Variants in PKHD1 observed in about 807,000 individuals in gnomAD.
PKHD1 encodes PKHD1 ciliary IPT domain containing fibrocystin/polyductin, also known as fibrocystin.
In PKHD1, 291 loss-of-function variants were observed where a neutral mutation model predicts 412.0. The ratio of observed to expected loss-of-function variants is 0.71; its 90% CI spans 0.64 to 0.78. The LOEUF (loss-of-function observed/expected upper bound fraction) is 0.78, where lower values mean the gene tolerates loss of function less well. PKHD1 is among the 30% of genes least tolerant of loss of function. The pLI is 0.00. For missense variants in PKHD1, 4,825 were observed against 4,950.7 expected (o/e 0.97, Z 0.76); for synonymous variants, 1,777 against 1,821.5 (o/e 0.98, Z 0.62).
In PKHD1 at chr6:52,070,456, A is replaced by T. The variant is rs201573343; in HGVS notation, c.668-11T>A. Reference sequence around the variant, plus strand: ...TAACATTCTGGGAGCCTGTAACACAAAGAAACACACATTAACTCAGGAATC... The same window carrying T: ...TAACATTCTGGGAGCCTGTAACACATAGAAACACACATTAACTCAGGAATC... On this transcript the variant is annotated splice_polypyrimidine_tract_variant and intron_variant, in intron 9 of 66. Transcript: ENST00000371117. 6.2e-7 allele frequency: 1 copy of T among 1,606,276 alleles called. No homozygotes were observed. Among genetic ancestry groups the T allele is most frequent in the Non-Finnish European group, 8.5e-7 (1 of 1,173,260 alleles).
Position 52,045,136 on chromosome 6 carries a change from A to G in PKHD1, c.2593-48T>C, listed in dbSNP as rs1038035865. On this transcript the variant is annotated intron_variant, in intron 24 of 66. Transcript: ENST00000371117. ...AAATTCTGTCATGGAACCGAAATCT[A>G]ATCTCGTCTAATCAAATAATAAAGA... The G allele has an allele frequency of 1.9e-6, 3 of 1,577,044 alleles. No homozygotes were observed. In the African/African-American group the frequency reaches 4.0e-5, roughly 21 times the overall value.
chr6:52,024,594 GTAA>G lies in PKHD1; in HGVS notation c.5213_5215del (p.Ile1738del). ...CTTACCGAAGTTCTCCGTCACTGCTGTAATAATAACTCTTGAGGTGAACACCAG... is the reference window on the plus strand; with the variant it reads ...CTTACCGAAGTTCTCCGTCACTGCTGTAATAACTCTTGAGGTGAACACCAG... On this transcript the variant is annotated inframe_deletion, in exon 32 of 67. Coordinates refer to ENST00000371117, the MANE Select transcript of PKHD1 (RefSeq NM_138694.4). The G allele has an allele frequency of 6.2e-7, 1 of 1,614,108 alleles. No homozygotes were observed. Among genetic ancestry groups the G allele is most frequent in the South Asian group, 1.1e-5 (1 of 91,072 alleles).
chr6:51,897,074 G>C (rs1187457313), intron 43 of PKHD1, among the ~76,000 whole-genome samples: 1 of 151,674 alleles, frequency 6.6e-6, no homozygotes, highest in African/African-American at 2.4e-5. Flanking sequence ...ATGGAACCAA[G>C]TTGGAAAACA....
chr6:52,043,707 TACATCATTCACTCGC>T lies in PKHD1; in HGVS notation c.2724_2738del (p.Arg909_Val913del). The T allele has an allele frequency of 6.2e-7, 1 of 1,613,586 alleles. No homozygotes were observed. The highest frequency in any genetic ancestry group is 8.5e-7 in the Non-Finnish European group (1 of 1,179,536). ...AGCAGGAACCTGGGCAATGAGCTGG[TACATCATTCACTCGC>T]ACAACCACCTGAAATGAGGCAAAAT... is the stretch of plus-strand genomic sequence containing the variant. On this transcript the variant is annotated inframe_deletion, in exon 26 of 67. Coordinates refer to ENST00000371117, the MANE Select transcript of PKHD1 (RefSeq NM_138694.4).
At chr6:52,041,581 T>C (rs1455997068) in intron 27 of PKHD1, among the ~76,000 whole-genome samples, 1 of 152,080 alleles carries the variant, frequency 6.6e-6, no homozygotes, top group East Asian at 1.9e-4. Flanking sequence ...AGCTAGAGCC[T>C]CTCTCTCTCC....
At chr6:52,080,034 A>C (rs778826271) in intron 4 of PKHD1, 26 bp from the exon 5 acceptor site, 1 of 1,390,058 alleles carries the variant, frequency 7.2e-7, no homozygotes, top group Admixed American at 1.7e-5. Flanking sequence ...GGAAATCCTT[A>C]TGAATCAAAA....
intron 52 of PKHD1, among the ~76,000 whole-genome samples, chr6:51,819,614 G>A (rs1156631693): frequency 1.3e-5 from 2 of 152,136 alleles, no homozygotes; most frequent in African/African-American, 4.8e-5. Flanking sequence ...CAGCTAGGCA[G>A]TATGTTCCAG....
rs1382219917 is a variant in PKHD1 at position 51,885,951 on chromosome 6, A to G, written c.7131T>C (p.Pro2377=). The stretch of plus-strand genomic sequence containing the variant: ...CATTATCCCAAGGTGGCTGAAATTT[A>G]GGGTATACAAAGAGACCATACCTAA... ...SCTRYGLFVY[P]KFQPPWDNVT... is the part of the protein sequence containing the mutation. Residue 2377 remains proline (P), a synonymous_variant, in exon 45 of 67, where the codon CCT becomes CCC. Transcript: ENST00000371117. The G allele has an allele frequency of 1.2e-6, 2 of 1,607,696 alleles. No individual in the cohort carries two copies. The highest frequency in any genetic ancestry group is 3.3e-5 in the Admixed American group (2 of 59,980).
chr6:51,810,174 T>TA (rs907477552), intron 52 of PKHD1, among the ~76,000 whole-genome samples: 10 of 152,190 alleles, frequency 6.6e-5, no homozygotes, highest in Non-Finnish European at 8.8e-5. Flanking sequence ...CAAATGCTTT[T>TA]AAAAAAATTG....
Position 51,753,900 on chromosome 6 carries a change from T to A in PKHD1, c.8798-547A>T, listed in dbSNP as rs144424247. Among the ~76,000 whole-genome samples, 41 of 152,334 alleles carry A rather than the reference T, an allele frequency of 2.7e-4. 1 individual carries two copies. The East Asian group carries it at 2.7e-3, about 10-fold the overall frequency. ...CTTCCACAGCAGTGGGAACTAAGCG[T>A]CTTGCTAGTTTGTTTCACTGTCTAC... On this transcript the variant is annotated intron_variant, in intron 56 of 66. Transcript: ENST00000371117.
At chr6:51,888,305 G>A (rs1778528116) in intron 43 of PKHD1, among the ~76,000 whole-genome samples, 1 of 152,184 alleles carries the variant, frequency 6.6e-6, no homozygotes, top group East Asian at 1.9e-4. Context: ...TGGACCATAT[G>A]AGTTTGGGGA....
intron 29 of PKHD1, among the ~76,000 whole-genome samples, chr6:52,030,386 A>C (rs1802860542): frequency 6.6e-6 from 1 of 152,186 alleles, no homozygotes; most frequent in Non-Finnish European, 1.5e-5. Flanking sequence ...GATATAGCAC[A>C]CAAAAAGGCC....
In PKHD1 at chr6:51,616,036, A is replaced by T. The variant is rs888640605; in HGVS notation, c.*3045T>A. On this transcript the variant is annotated 3_prime_UTR_variant, in exon 67 of 67. Coordinates refer to ENST00000371117, the MANE Select transcript of PKHD1 (RefSeq NM_138694.4). ...TATATACTTCTTTCTCAATTTTGAA[A>T]TCTATAAATATTTATAGATGTTCTT... 1 of 152,118 alleles carries T rather than the reference A, an allele frequency of 6.6e-6. No individual in the cohort carries two copies. Among genetic ancestry groups the T allele is most frequent in the Non-Finnish European group, 1.5e-5 (1 of 68,036 alleles). 9.4% of individuals were successfully genotyped at this position (152,118 alleles called of 1,614,324 possible).
At chr6:52,075,646 T>C (rs1232512618) in intron 6 of PKHD1, among the ~76,000 whole-genome samples, 1 of 152,200 alleles carries the variant, frequency 6.6e-6, no homozygotes, top group Non-Finnish European at 1.5e-5. Context: ...TCTCTAACTT[T>C]ATAAACAAAA....
chr6:51,809,868 C>A (rs201948632), intron 52 of PKHD1, among the ~76,000 whole-genome samples: 7 of 94,742 alleles, frequency 7.4e-5, no homozygotes, highest in Non-Finnish European at 1.6e-4. Context: ...TATTTTTTTT[C>A]TAGAAAAAAA....
intron 48 of PKHD1, among the ~76,000 whole-genome samples, chr6:51,865,761 T>C (rs950030554): frequency 6.6e-6 from 1 of 152,214 alleles, no homozygotes; most frequent in Non-Finnish European, 1.5e-5. Flanking sequence ...CCAGGGCAAA[T>C]AGCACAACAA....
intron 35 of PKHD1, among the ~76,000 whole-genome samples, chr6:51,976,690 C>T (rs1377829753): frequency 6.6e-6 from 1 of 152,212 alleles, no homozygotes; most frequent in Non-Finnish European, 1.5e-5. Flanking sequence ...TGGCTCACGC[C>T]TGTAATCCTA....
chr6:51,899,654 A>G (rs1206343683), intron 43 of PKHD1, among the ~76,000 whole-genome samples: 1 of 151,692 alleles, frequency 6.6e-6, no homozygotes, highest in African/African-American at 2.4e-5. Context: ...ATAGTGTTGG[A>G]AGTTCTGGCC....
In PKHD1 at chr6:52,046,181, AG is replaced by A; in HGVS notation, c.2414del (p.Pro805LeufsTer32). ...QLPNTVISDV[P>X]VQISAHHLHQ... ...GAAGGTGATGAGCAGAAATTTGTACAGGGACATCTGTGAGAGAAGGTTTTGA... is the reference window on the plus strand; with the variant it reads ...GAAGGTGATGAGCAGAAATTTGTACAGGACATCTGTGAGAGAAGGTTTTGA... On this transcript the variant is annotated frameshift_variant, in exon 24 of 67. Transcript: ENST00000371117. LOFTEE classifies it high-confidence loss of function. The A allele has an allele frequency of 6.2e-7, 1 of 1,611,678 alleles. No homozygotes were observed. Among genetic ancestry groups the A allele is most frequent in the Non-Finnish European group, 8.5e-7 (1 of 1,177,766 alleles).
Sources: allele counts gnomAD v4.1 joint callset (sites outside exome capture counted in the v4.1 genomes callset), GRCh38; gene constraint gnomAD v4.1.1; transcripts MANE v1.5; gene names NCBI Gene and HGNC (gene_info 2026-07-23, HGNC 2026-07-21).